The following FHAD1 variants were observed in gnomAD, a reference collection of about 807,000 sequenced individuals.
FHAD1 encodes the protein forkhead-associated domain-containing protein 1.
Under a neutral mutation model 191.3 loss-of-function variants are expected in FHAD1, and 146 were observed. That is an observed-to-expected ratio of 0.76 (90% CI 0.67 to 0.88). The LOEUF (loss-of-function observed/expected upper bound fraction) is 0.88, where lower values mean the gene tolerates loss of function less well. FHAD1 is among the 40% of genes least tolerant of loss of function. The pLI is 0.00. For synonymous variants in FHAD1, 616 were observed against 672.3 expected, an observed-to-expected ratio of 0.92 and a Z score of 1.29; for missense variants, 1,635 against 1,785.8, an observed-to-expected ratio of 0.92 and a Z score of 1.52.
intron 14 of FHAD1, among the ~76,000 whole-genome samples, chr1:15,332,425 T>C (rs1381660700): frequency 6.6e-6 from 1 of 152,202 alleles, no homozygotes; most frequent in Non-Finnish European, 1.5e-5. Flanking sequence ...ATGTGGGTTG[T>C]TGCCAGGTGT....
chr1:15,241,435 C>T (rs1446851448), intron 1 of FHAD1, among the ~76,000 whole-genome samples: 4 of 151,992 alleles, frequency 2.6e-5, no homozygotes, highest in African/African-American at 7.3e-5. Flanking sequence ...GGGTGGATCA[C>T]CTGAGGTCAG....
At position 15,382,104 on chromosome 1, in the gene FHAD1, G is replaced by A; in HGVS notation, c.4099G>A (p.Glu1367Lys). ...LEDDIYKEAE[E>K]KALLKEALER... Reference sequence around the variant, plus strand: ...GGATGATATCTACAAAGAGGCCGAAGAGAAGGCCCTGCTGAAGGAGGCCCT... The same window carrying A: ...GGATGATATCTACAAAGAGGCCGAAAAGAAGGCCCTGCTGAAGGAGGCCCT... The change falls in exon 31 of 34, where the codon GAG becomes AAG. Residue 1367 changes from glutamate (E) to lysine (K), a missense_variant. Physicochemically the swap from Glu to Lys is moderately conservative, Grantham distance 56. Coordinates refer to ENST00000688493, the MANE Select transcript of FHAD1 (RefSeq NM_001391957.1). The A allele has an allele frequency of 6.4e-7, 1 of 1,552,150 alleles. No individual in the cohort carries two copies. Among genetic ancestry groups the A allele is most frequent in the Non-Finnish European group, 8.7e-7 (1 of 1,147,098 alleles).
At chr1:15,359,462 G>A (rs544010006) in intron 21 of FHAD1, among the ~76,000 whole-genome samples, 12 of 152,228 alleles carry the variant, frequency 7.9e-5, no homozygotes, top group Non-Finnish European at 1.6e-4. Flanking sequence ...GTGCTGGGAT[G>A]GAAACGCCAA....
rs999890214 is a variant in FHAD1, at chr1:15,317,808, G to T, written c.1261-16G>T. On this transcript the variant is annotated splice_polypyrimidine_tract_variant and intron_variant, in intron 9 of 33. Coordinates refer to ENST00000688493, the MANE Select transcript of FHAD1 (RefSeq NM_001391957.1). ...GCCCCCATCAGGGAGGTTCACTCTTGTTGAAACTTTTTCAGCAAATCCAAG... is the reference window on the plus strand; with the variant it reads ...GCCCCCATCAGGGAGGTTCACTCTTTTTGAAACTTTTTCAGCAAATCCAAG... 5.2e-6 allele frequency: 8 copies of T among 1,547,198 alleles called. No individual in the cohort carries two copies. The highest frequency in any genetic ancestry group is 3.9e-5 in the Admixed American group (2 of 50,960).
rs184341307 is a variant in FHAD1 at position 15,306,357 on chromosome 1, C to T, written c.916-2256C>T. 6.2e-3 allele frequency among the ~76,000 whole-genome samples: 951 copies of T among 152,298 alleles called. 2 individuals are homozygous for T. The highest frequency in any genetic ancestry group is 0.01 in the Non-Finnish European group (699 of 68,032). ...AAACAGCATAAATTCAGAAAATTTG[C>T]AGCCTGATGATGGAGTAGAAAAGAA... On this transcript the variant is annotated intron_variant, in intron 6 of 33. Transcript: ENST00000688493.
chr1:15,399,154 AT>A (rs1483290401), downstream of FHAD1, among the ~76,000 whole-genome samples: 1 of 152,018 alleles, frequency 6.6e-6, no homozygotes, highest in Non-Finnish European at 1.5e-5. Context: ...CCACAATAAA[AT>A]TTTTTTTATA....
chr1:15,310,651 C>A (rs757298117), intron 7 of FHAD1, among the ~76,000 whole-genome samples: 21 of 152,198 alleles, frequency 1.4e-4, no homozygotes, highest in South Asian at 2.1e-4. Context: ...CCACTCCTGA[C>A]CTTCCGATCA....
rs1694247718 is a variant in FHAD1, at chr1:15,360,058, A to T, written c.2737-420A>T. Among the ~76,000 whole-genome samples, 5 of 152,226 alleles carry T rather than the reference A, an allele frequency of 3.3e-5. No individual in the cohort carries two copies. The South Asian group carries it at 1.0e-3, about 32-fold the overall frequency. ...AACCCAGGAGGCAGAGGTTGCAGTGAGCCAAGATAGTGCCACTGCACTCTA... is the reference window on the plus strand; with the variant it reads ...AACCCAGGAGGCAGAGGTTGCAGTGTGCCAAGATAGTGCCACTGCACTCTA... On this transcript the variant is annotated intron_variant, in intron 21 of 33. Coordinates refer to ENST00000688493, the MANE Select transcript of FHAD1 (RefSeq NM_001391957.1).
At chr1:15,303,671 G>A (rs1203664547) in intron 6 of FHAD1, among the ~76,000 whole-genome samples, 3 of 152,044 alleles carry the variant, frequency 2.0e-5, no homozygotes, top group South Asian at 2.1e-4. Context: ...CCAACATGGC[G>A]AAACCCGTCT....
chr1:15,294,132 G>A (rs527548372), intron 4 of FHAD1, among the ~76,000 whole-genome samples: 31 of 152,190 alleles, frequency 2.0e-4, no homozygotes, highest in Middle Eastern at 3.2e-3. Context: ...CCAGGCTTAG[G>A]AGAACACTTC....
At chr1:15,302,544 T>G (rs7553651) in intron 6 of FHAD1, among the ~76,000 whole-genome samples, 50,666 of 151,932 alleles carry the variant, frequency 0.33, 9,431 homozygotes, top group South Asian at 0.51. Context: ...GCTAACACAG[T>G]GAAACCCCGT....
intron 1 of FHAD1, among the ~76,000 whole-genome samples, chr1:15,238,111 G>A (rs1407975334): frequency 6.6e-6 from 1 of 151,954 alleles, no homozygotes; most frequent in African/African-American, 2.4e-5. Context: ...GACAGGCATG[G>A]TGGCGCACAC....
At chr1:15,383,775 C>A (rs1279256256) in intron 31 of FHAD1, 3 of 364,526 alleles carry the variant, frequency 8.2e-6, no homozygotes, top group South Asian at 2.1e-5. Flanking sequence ...CCTCTAATAG[C>A]CCTGCCTGGT....
At chr1:15,326,103 G>C (rs776857699) in intron 11 of FHAD1, 1 of 152,296 alleles carries the variant, frequency 6.6e-6, no homozygotes, top group Non-Finnish European at 1.5e-5. Flanking sequence ...CTCCTGGCAG[G>C]GTCACTGCAG....
At position 15,362,678 on chromosome 1, in the gene FHAD1, C is replaced by T. The variant is rs1236401643; in HGVS notation, c.2999C>T (p.Ala1000Val). 1 of 1,551,816 alleles carries T rather than the reference C, an allele frequency of 6.4e-7. No homozygotes were observed. Among genetic ancestry groups the T allele is most frequent in the Non-Finnish European group, 8.7e-7 (1 of 1,147,004 alleles). Residue 1000 changes from alanine (A) to valine (V), a missense_variant, in exon 23 of 34, where the codon GCT (alanine) becomes GTT (valine). Physicochemically the swap from Ala to Val is moderately conservative, Grantham distance 64. Coordinates refer to ENST00000688493, the MANE Select transcript of FHAD1 (RefSeq NM_001391957.1). The stretch of plus-strand genomic sequence containing the variant: ...GAAAGGCCGCAAGACCCTCTGGTGG[C>T]TCCCATGACAGAGAGCAGTGCCAAA... ...KEERPQDPLV[A>V]PMTESSAKDM... is the part of the protein sequence containing the mutation.
chr1:15,397,190 CAA>C (rs1226525873), intron 33 of FHAD1, 105 bp from the exon 34 acceptor site: 55 of 433,090 alleles, frequency 1.3e-4, no homozygotes, highest in South Asian at 2.8e-4. Flanking sequence ...GACTCCGTCT[CAA>C]AAAAAAAAAA....
At chr1:15,379,360 T>C (rs1700369545) in intron 28 of FHAD1, among the ~76,000 whole-genome samples, 1 of 152,236 alleles carries the variant, frequency 6.6e-6, no homozygotes, top group Admixed American at 6.5e-5. Flanking sequence ...ATCTCAATGC[T>C]TTACAAAGCA....
intron 4 of FHAD1, among the ~76,000 whole-genome samples, chr1:15,292,490 C>T (rs910061571): frequency 3.9e-5 from 6 of 152,334 alleles, no homozygotes; most frequent in Admixed American, 2.6e-4. Flanking sequence ...CCCGCCACCA[C>T]GCCCAGCTAA....
chr1:15,266,037 G>C (rs1653356492), intron 2 of FHAD1, among the ~76,000 whole-genome samples: 1 of 151,420 alleles, frequency 6.6e-6, no homozygotes, highest in Admixed American at 6.6e-5. Flanking sequence ...AGTAGGAATG[G>C]AGATGAAGAT....
Sources: allele counts gnomAD v4.1 joint callset (sites outside exome capture counted in the v4.1 genomes callset), GRCh38; gene constraint gnomAD v4.1.1; transcripts MANE v1.5; gene names NCBI Gene and HGNC (gene_info 2026-07-23, HGNC 2026-07-21).